The following SORCS2 variants were observed in gnomAD, a reference collection of about 807,000 sequenced individuals.
SORCS2 encodes sortilin related VPS10 domain containing receptor 2.
A neutral mutation model predicts 141.6 loss-of-function variants in SORCS2; 100 were observed. That is an observed-to-expected ratio of 0.71 (90% CI 0.60 to 0.83). The LOEUF (loss-of-function observed/expected upper bound fraction) is 0.83. SORCS2 is among the 40% of genes least tolerant of loss of function. The pLI, the probability that SORCS2 is intolerant of heterozygous loss-of-function variation, is 0.00. For synonymous variants in SORCS2, 789 were observed against 676.9 expected, an observed-to-expected ratio of 1.17 and a Z score of -2.57; for missense variants, 1,646 against 1,560.2, an observed-to-expected ratio of 1.05 and a Z score of -0.93.
At chr4:7,554,234 C>T (rs183434717) in intron 3 of SORCS2, among the ~76,000 whole-genome samples, 1 of 152,162 alleles carries the variant, frequency 6.6e-6, no homozygotes, top group Non-Finnish European at 1.5e-5. Flanking sequence ...CAAATACTCC[C>T]CAGAGTCTGG....
At chr4:7,739,571 G>A (rs528928245) in intron 26 of SORCS2, among the ~76,000 whole-genome samples, 8 of 152,198 alleles carry the variant, frequency 5.3e-5, no homozygotes, top group Admixed American at 1.3e-4. Context: ...TGACCCTCAC[G>A]TTAGAGATGA....
chr4:7,540,369 C>T (rs920122703), intron 3 of SORCS2, among the ~76,000 whole-genome samples: 1 of 152,078 alleles, frequency 6.6e-6, no homozygotes, highest in Non-Finnish European at 1.5e-5. Context: ...CATAGGACCC[C>T]AGCCTTCTTC....
chr4:7,250,881 C>T (rs967524354), intron 1 of SORCS2, among the ~76,000 whole-genome samples: 4 of 152,244 alleles, frequency 2.6e-5, no homozygotes, highest in African/African-American at 7.2e-5. Context: ...AATATGGACT[C>T]GTTGCCGGAA....
chr4:7,305,189 G>A (rs1297206542), intron 1 of SORCS2, among the ~76,000 whole-genome samples: 1 of 151,944 alleles, frequency 6.6e-6, no homozygotes, highest in Admixed American at 6.6e-5. Flanking sequence ...CTGCCACCGC[G>A]CCCGGCTAAT....
chr4:7,267,697 G>T (rs1677359134), intron 1 of SORCS2, among the ~76,000 whole-genome samples: 1 of 152,226 alleles, frequency 6.6e-6, no homozygotes, highest in Non-Finnish European at 1.5e-5. Context: ...CAGGCGTGGT[G>T]GCAGGTGCCT....
At chr4:7,350,721 T>A (rs1315384104) in intron 1 of SORCS2, among the ~76,000 whole-genome samples, 1 of 152,218 alleles carries the variant, frequency 6.6e-6, no homozygotes, top group Non-Finnish European at 1.5e-5. Flanking sequence ...AGTCCTTCTC[T>A]TGGGCTTTAT....
At chr4:7,737,427 T>C (rs1001308022) in intron 26 of SORCS2, among the ~76,000 whole-genome samples, 1 of 151,988 alleles carries the variant, frequency 6.6e-6, no homozygotes, top group African/African-American at 2.4e-5. Context: ...TCCCTGGCAA[T>C]GACCAAAAGC....
intron 4 of SORCS2, among the ~76,000 whole-genome samples, chr4:7,639,580 TGG>T (rs984938703): frequency 2.9e-4 from 44 of 150,816 alleles, no homozygotes; most frequent in African/African-American, 9.0e-4. Flanking sequence ...TGAATGTGTG[TGG>T]GAATGCGAGT....
chr4:7,227,687 C>T (rs2108770863), intron 1 of SORCS2, among the ~76,000 whole-genome samples: 1 of 152,118 alleles, frequency 6.6e-6, no homozygotes, highest in East Asian at 1.9e-4. Flanking sequence ...GCTGCTTCCT[C>T]CCTCCTTCCT....
At chr4:7,290,144 C>T (rs1048063780) in intron 1 of SORCS2, among the ~76,000 whole-genome samples, 1 of 152,152 alleles carries the variant, frequency 6.6e-6, no homozygotes, top group African/African-American at 2.4e-5. Flanking sequence ...TGGCTGGCCC[C>T]AGGGGAGGTG....
Position 7,704,178 on chromosome 4 carries a change from T to A in SORCS2, c.1762T>A (p.Phe588Ile). ...ATGCTGACGATCTTCTCCTGGCAGG[T>A]TCAGTGTGGACGAGGGCCTCACCTG... ...DTSIPLKILK[F>I]SVDEGLTWST... is the part of the protein sequence containing the mutation. Residue 588 changes from phenylalanine (F) to isoleucine (I), a missense_variant and splice_region_variant, in exon 14 of 27, where the codon TTC becomes ATC. Coordinates refer to ENST00000507866, the MANE Select transcript of SORCS2 (RefSeq NM_020777.3). 1 of 1,611,212 alleles carries A rather than the reference T, an allele frequency of 6.2e-7. No homozygotes were observed. The highest frequency in any genetic ancestry group is 1.1e-5 in the South Asian group (1 of 90,222).
chr4:7,688,691 C>G, intron 10 of SORCS2, among the ~76,000 whole-genome samples: 1 of 144,162 alleles, frequency 6.9e-6, no homozygotes, highest in East Asian at 2.1e-4. Context: ...CTCACTTCAC[C>G]CTATGGAGTT....
At chr4:7,635,522 C>T (rs747632437) in intron 3 of SORCS2, among the ~76,000 whole-genome samples, 2 of 152,242 alleles carry the variant, frequency 1.3e-5, no homozygotes, top group South Asian at 2.1e-4. Flanking sequence ...TTTGTCCACT[C>T]ATTTGTCATT....
chr4:7,437,324 G>C (rs936159137), intron 2 of SORCS2, among the ~76,000 whole-genome samples: 1 of 152,198 alleles, frequency 6.6e-6, no homozygotes, highest in African/African-American at 2.4e-5. Flanking sequence ...GACTCAGGAG[G>C]CTGTGTACAA....
intron 2 of SORCS2, among the ~76,000 whole-genome samples, chr4:7,408,146 A>G (rs1725087988): frequency 6.6e-6 from 1 of 152,138 alleles, no homozygotes; most frequent in Non-Finnish European, 1.5e-5. Context: ...GGGTTTGTCC[A>G]TGTCCCTAAT....
chr4:7,508,727 G>A (rs1196548821), intron 2 of SORCS2, among the ~76,000 whole-genome samples: 1 of 152,196 alleles, frequency 6.6e-6, no homozygotes. Context: ...CAGAAATAAA[G>A]CCACAGATCT....
At chr4:7,394,078 A>G (rs1724045528) in intron 1 of SORCS2, among the ~76,000 whole-genome samples, 1 of 150,614 alleles carries the variant, frequency 6.6e-6, no homozygotes. Context: ...CAGGAACCCA[A>G]AGTCCCATTT....
At chr4:7,292,005 G>A (rs1340045691) in intron 1 of SORCS2, among the ~76,000 whole-genome samples, 5 of 152,342 alleles carry the variant, frequency 3.3e-5, no homozygotes, top group Non-Finnish European at 7.3e-5. Context: ...GCTCCTAACT[G>A]TGACTGTTGT....
chr4:7,483,280 G>A (rs911093597), intron 2 of SORCS2, among the ~76,000 whole-genome samples: 1 of 146,258 alleles, frequency 6.8e-6, no homozygotes, highest in Non-Finnish European at 1.5e-5. Context: ...CCGAGATTGG[G>A]CCACTGCATT....
Sources: gnomAD v4.1 joint callset for allele counts (sites outside exome capture counted in the v4.1 genomes callset) on GRCh38, gnomAD v4.1.1 for gene constraint, MANE v1.5 for transcripts, NCBI Gene and HGNC (gene_info 2026-07-23, HGNC 2026-07-21) for gene names.